KLHL5: variants seen among roughly 807,000 people sequenced by gnomAD.
KLHL5 encodes kelch-like protein 5.
In KLHL5, 48 loss-of-function variants were observed where a neutral mutation model predicts 77.7. The ratio of observed to expected loss-of-function variants is 0.62; its 90% CI spans 0.49 to 0.79. KLHL5 has a LOEUF of 0.79. Ranked by LOEUF, KLHL5 falls within the 30% of genes least tolerant of loss-of-function variation. The pLI is 0.00. For missense variants in KLHL5, 723 were observed against 859.7 expected (o/e 0.84, Z 1.99); for synonymous variants, 260 against 297.0 (o/e 0.88, Z 1.28).
chr4:39,115,209 G>T lies in KLHL5; in HGVS notation c.1952G>T (p.Ser651Ile), dbSNP rs2109587892. 2 of 1,613,794 alleles carry T rather than the reference G, an allele frequency of 1.2e-6. No homozygotes were observed. The highest frequency in any genetic ancestry group is 2.2e-5 in the East Asian group (1 of 44,862). ...MWTAVASMSI[S>I]RDAVGVCLLG... ...ACTGCAGTAGCATCCATGAGCATCA[G>T]CAGAGATGCAGTGGGGGTCTGTTTA... Residue 651 changes from serine (S) to isoleucine (I), a missense_variant, in exon 10 of 11, where the codon AGC becomes ATC. Ser to Ile is a moderately radical substitution (Grantham distance 142, BLOSUM62 -2). Coordinates refer to ENST00000504108, the MANE Select transcript of KLHL5 (RefSeq NM_015990.5).
chr4:39,089,524 G>A (rs1200741725), intron 5 of KLHL5, among the ~76,000 whole-genome samples: 1 of 152,116 alleles, frequency 6.6e-6, no homozygotes, highest in African/African-American at 2.4e-5. Context: ...GAGTGCTTGG[G>A]ATGGAACCCT....
intron 1 of KLHL5, among the ~76,000 whole-genome samples, chr4:39,073,516 G>C (rs1718688746): frequency 6.9e-6 from 1 of 144,820 alleles, no homozygotes; most frequent in Non-Finnish European, 1.5e-5. Context: ...TGAATTTATG[G>C]CTTATAAAAA....
the KLHL5 span, chr4:39,135,259 A>C: frequency 6.6e-6 from 1 of 152,230 alleles, no homozygotes; most frequent in Non-Finnish European, 1.5e-5. Flanking sequence ...TGTTGGGGTC[A>C]CTTCCCTGTG....
intron 10 of KLHL5, chr4:39,116,446 G>C (rs531872128): frequency 6.6e-6 from 1 of 152,270 alleles, no homozygotes; most frequent in East Asian, 1.9e-4. Flanking sequence ...CAAGGCAGTG[G>C]GTATTTAGTG....
intron 7 of KLHL5, among the ~76,000 whole-genome samples, chr4:39,105,640 T>TTA (rs891787370): frequency 4.0e-5 from 6 of 151,148 alleles, no homozygotes; most frequent in East Asian, 3.9e-4. Context: ...ATTTATATGT[T>TTA]TATATATATA....
chr4:39,134,254 T>A, the KLHL5 span, among the ~76,000 whole-genome samples: 1 of 152,216 alleles, frequency 6.6e-6, no homozygotes, highest in African/African-American at 2.4e-5. Flanking sequence ...GAGTTAAAAA[T>A]TCATATTTTA....
At chr4:39,070,314 C>G (rs1354833756) in intron 1 of KLHL5, among the ~76,000 whole-genome samples, 1 of 152,192 alleles carries the variant, frequency 6.6e-6, no homozygotes, top group Non-Finnish European at 1.5e-5. Context: ...TAGGAAAAAA[C>G]AATGTCCACT....
At chr4:39,141,528 G>A in the KLHL5 span, among the ~76,000 whole-genome samples, 1 of 151,928 alleles carries the variant, frequency 6.6e-6, no homozygotes, top group Non-Finnish European at 1.5e-5. Flanking sequence ...AGCCAGGATG[G>A]TCTCGATCTC....
chr4:39,081,013 A>G lies in KLHL5; in HGVS notation c.567-90A>G. On this transcript the variant is annotated intron_variant, in intron 2 of 10. Coordinates refer to ENST00000504108, the MANE Select transcript of KLHL5 (RefSeq NM_015990.5). The surrounding 1 kb of genome is among the most constrained non-coding windows in gnomAD (Gnocchi z 4.3). ...GCATTTCCTAGTACCATGCACTGTG[A>G]GTAACAAATAAAAAAGAAGCAGCAG... 1 of 1,297,006 alleles carries G rather than the reference A, an allele frequency of 7.7e-7. No individual in the cohort carries two copies. Among genetic ancestry groups the G allele is most frequent in the Non-Finnish European group, 1.1e-6 (1 of 931,872 alleles). 80.3% of individuals were successfully genotyped at this position (1,297,006 alleles called of 1,614,324 possible).
intron 6 of KLHL5, among the ~76,000 whole-genome samples, chr4:39,101,546 G>A (rs1721543939): frequency 6.6e-6 from 1 of 151,998 alleles, no homozygotes; most frequent in African/African-American, 2.4e-5. Context: ...GTTTGGTGCT[G>A]TGAAAAATAC....
intron 6 of KLHL5, among the ~76,000 whole-genome samples, chr4:39,099,353 T>C (rs1721347720): frequency 6.6e-6 from 1 of 152,142 alleles, no homozygotes; most frequent in Non-Finnish European, 1.5e-5. Flanking sequence ...AGGGTGTCAG[T>C]ATTATGCTAG....
chr4:39,126,469 T>C (rs1257747801), downstream of KLHL5, among the ~76,000 whole-genome samples: 1 of 152,132 alleles, frequency 6.6e-6, no homozygotes, highest in African/African-American at 2.4e-5. Context: ...CTTGAAGAAA[T>C]GCCGTATTGA....
chr4:39,095,958 C>G (rs1721028352), intron 5 of KLHL5, among the ~76,000 whole-genome samples: 1 of 151,770 alleles, frequency 6.6e-6, no homozygotes, highest in South Asian at 2.1e-4. Context: ...AGGCTGCACA[C>G]CAGGTTGTTT....
upstream of KLHL5, among the ~76,000 whole-genome samples, chr4:39,058,171 G>GT (rs1717128803): frequency 6.6e-6 from 1 of 152,118 alleles, no homozygotes; most frequent in Admixed American, 6.6e-5. Context: ...AAAATTAGAG[G>GT]TATAGAATAT....
At chr4:39,108,486 G>GA (rs1195596400) in intron 8 of KLHL5, among the ~76,000 whole-genome samples, 6 of 152,036 alleles carry the variant, frequency 3.9e-5, no homozygotes, top group Middle Eastern at 3.4e-3. Flanking sequence ...TAAGAAAAAT[G>GA]AAAAAAATAG....
Position 39,081,185 on chromosome 4 carries a change from A to G in KLHL5, c.649A>G (p.Met217Val), listed in dbSNP as rs1266865118. The G allele has an allele frequency of 3.1e-6, 5 of 1,613,310 alleles. No homozygotes were observed. The South Asian group carries it at 4.4e-5, about 14-fold the overall frequency. ...AGAGGCAAGACAAGAAGAAATAAAA[A>G]TGGAAGGTGTAGAACCAAATTCGTT... ...VREARQEEIKMEGVEPNSLWS... is the reference protein window; with the variant it reads ...VREARQEEIKVEGVEPNSLWS... Residue 217 changes from methionine (M) to valine (V), a missense_variant, in exon 3 of 11, where the codon ATG becomes GTG. Met to Val is a conservative substitution (Grantham distance 21). Transcript: ENST00000504108. This position sits in a 1 kb window ranked among gnomAD's most constrained non-coding sequence, Gnocchi z 4.3.
At chr4:39,076,463 G>T (rs575209942) in intron 2 of KLHL5, among the ~76,000 whole-genome samples, 1 of 152,166 alleles carries the variant, frequency 6.6e-6, no homozygotes, top group South Asian at 2.1e-4. Flanking sequence ...TAAACTCAGT[G>T]GCAATTAAAG....
the KLHL5 span, among the ~76,000 whole-genome samples, chr4:39,142,467 T>G: frequency 6.6e-6 from 1 of 151,410 alleles, no homozygotes; most frequent in Non-Finnish European, 1.5e-5. Context: ...TCTGAAAGAG[T>G]ATTTTCTCTC....
chr4:39,050,076 AAAAT>A (rs1173837919), intron 1 of KLHL5, among the ~76,000 whole-genome samples: 2 of 152,092 alleles, frequency 1.3e-5, no homozygotes, highest in Non-Finnish European at 1.5e-5. Flanking sequence ...CTCCATCCCA[AAAAT>A]AAATAAATAA....
Sources: allele counts gnomAD v4.1 joint callset (sites outside exome capture counted in the v4.1 genomes callset), GRCh38; gene constraint gnomAD v4.1.1; non-coding constraint Gnocchi (gnomAD v3.1); transcripts MANE v1.5; gene names NCBI Gene and HGNC (gene_info 2026-07-23, HGNC 2026-07-21).